The following ASPG variants were observed in gnomAD, a reference collection of about 807,000 sequenced individuals.
ASPG encodes 60 kDa lysophospholipase.
A neutral mutation model predicts 63.2 loss-of-function variants in ASPG; 53 were observed. The observed-to-expected ratio is 0.84, with a 90% CI of 0.67 to 1.05. The LOEUF (loss-of-function observed/expected upper bound fraction) is 1.05. ASPG is among the 50% of genes least tolerant of loss of function. ASPG has a pLI of 0.00. For missense variants in ASPG, 741 were observed against 794.4 expected (o/e 0.93, Z 0.81); for synonymous variants, 370 against 355.0 (o/e 1.04, Z -0.48).
rs528455974 is a variant in ASPG, at chr14:104,104,363, G to A, written c.813G>A (p.Gly271=). 5.9e-5 allele frequency: 95 copies of A among 1,612,642 alleles called. 1 individual carries two copies. The South Asian group carries it at 8.3e-4, about 14-fold the overall frequency. Reference sequence around the variant, plus strand: ...TGGTCATGGAGACCTTCGGTTCAGGGAACGGACCCACCAAGCCCGACCTGC... The same window carrying A: ...TGGTCATGGAGACCTTCGGTTCAGGAAACGGACCCACCAAGCCCGACCTGC... The part of the protein sequence containing the change: ...KGVVMETFGS[G]NGPTKPDLLQ... The change falls in exon 8 of 16, where the codon GGG becomes GGA. Residue 271 remains glycine, a synonymous_variant. Transcript: ENST00000551177.
chr14:104,111,075 T>C, intron 13 of ASPG: 1 of 985,406 alleles, frequency 1.0e-6, no homozygotes, highest in Non-Finnish European at 1.2e-6. Context: ...AAGAGCGGTG[T>C]GTTGTGTAAC....
intron 14 of ASPG, 131 bp downstream of exon 14, chr14:104,111,732 G>A: frequency 1.1e-6 from 1 of 890,800 alleles, no homozygotes; most frequent in East Asian, 2.6e-5. Context: ...CCCTCCCCAT[G>A]CAGGACCCGC....
chr14:104,106,873 G>T lies in ASPG; in HGVS notation c.1248G>T (p.Ala416=), dbSNP rs151283874. ...CTGCCCACGCCGGTGACGTGGAGGC[G>T]CTGCAGGCGCTTGTGGAGCTGGTGA... ...CAAAHAGDVE[A]LQALVELGSD... The change falls in exon 11 of 16, where the codon GCG becomes GCT. Residue 416 remains alanine, a synonymous_variant. Coordinates refer to ENST00000551177, the MANE Select transcript of ASPG (RefSeq NM_001080464.3). 13 of 1,585,990 alleles carry T rather than the reference G, an allele frequency of 8.2e-6. No individual in the cohort carries two copies. The highest frequency in any genetic ancestry group is 2.3e-5 in the East Asian group (1 of 43,586).
At chr14:104,111,061 C>G in intron 13 of ASPG, 1 of 985,438 alleles carries the variant, frequency 1.0e-6, no homozygotes, top group Non-Finnish European at 1.2e-6. Context: ...GACCCCGCCC[C>G]GGGAAGAGCG....
At chr14:104,102,433 C>T (rs1361250279) in intron 6 of ASPG, among the ~76,000 whole-genome samples, 1 of 152,150 alleles carries the variant, frequency 6.6e-6, no homozygotes, top group Non-Finnish European at 1.5e-5. Context: ...GTGCGGGGGT[C>T]CTCCTGCCCA....
Position 104,109,874 on chromosome 14 carries a change from C to T in ASPG, c.1520+559C>T, listed in dbSNP as rs963302236. On this transcript the variant is annotated intron_variant, in intron 13 of 15. Coordinates refer to ENST00000551177, the MANE Select transcript of ASPG (RefSeq NM_001080464.3). The surrounding 1 kb of genome is among the most constrained non-coding windows in gnomAD (Gnocchi z 4.8). ...AGTGTGCCTTCCGATCTCATGCTGC[C>T]GAGTGACCACCGAGGCAGGCTCAGG... 26 of 874,780 alleles carry T rather than the reference C, an allele frequency of 3.0e-5. No homozygotes were observed. Among genetic ancestry groups the T allele is most frequent in the African/African-American group, 2.0e-4 (11 of 54,964 alleles). The allele number at this position is 874,780 out of a possible 1,614,324, so 54.2% of individuals were successfully genotyped here. A position where few individuals can be genotyped will look rare whatever the true frequency, so the allele number is the denominator to read the frequency against.
At chr14:104,105,169 G>T in intron 9 of ASPG, 159 bp from the exon 10 acceptor site, 1 of 1,167,060 alleles carries the variant, frequency 8.6e-7, no homozygotes, top group Non-Finnish European at 1.2e-6. Context: ...GCCTTGGGAG[G>T]GGACCCAGCC....
In ASPG at chr14:104,105,270, GTCCTGGGC is replaced by G; in HGVS notation, c.1051-56_1051-49del. 1.9e-6 allele frequency: 3 copies of G among 1,612,152 alleles called. No homozygotes were observed. The South Asian group carries it at 3.3e-5, about 18-fold the overall frequency. ...CCCGGGTAGCCCGACCCTCCAGGCTGTCCTGGGCTGCCCATCCAGCCCTGGCAGAGCCA... is the reference window on the plus strand; with the variant it reads ...CCCGGGTAGCCCGACCCTCCAGGCTGTGCCCATCCAGCCCTGGCAGAGCCA... On this transcript the variant is annotated intron_variant, in intron 9 of 15. Coordinates refer to ENST00000551177, the MANE Select transcript of ASPG (RefSeq NM_001080464.3).
rs552991240 is a variant in ASPG at position 104,110,038 on chromosome 14, C to T, written c.1520+723C>T. On this transcript the variant is annotated intron_variant, in intron 13 of 15. Transcript: ENST00000551177. This position sits in a 1 kb window ranked among gnomAD's most constrained non-coding sequence, Gnocchi z 4.7. ...ACAGCCAGAATCGCTGCCCCCCACC[C>T]CATGCCTTGTGCCTGGTGACTTGGC... 160 of 985,306 alleles carry T rather than the reference C, an allele frequency of 1.6e-4. No homozygotes were observed. The highest frequency in any genetic ancestry group is 1.9e-4 in the Non-Finnish European group (156 of 829,938). The allele number at this position is 985,306 out of a possible 1,614,324, so 61.0% of individuals were successfully genotyped here. A position where few individuals can be genotyped will look rare whatever the true frequency, so the allele number is the denominator to read the frequency against.
chr14:104,093,237 C>T (rs1341720273), intron 2 of ASPG: 8 of 573,354 alleles, frequency 1.4e-5, no homozygotes, highest in African/African-American at 1.9e-5. Flanking sequence ...CAGCCCCCCT[C>T]TTCGAGCTGG....
Position 104,098,843 on chromosome 14 carries a change from G to A in ASPG, c.514-10G>A, listed in dbSNP as rs374670561. ...CCGCTGCTCTGAACTCTGTCGCTCC[G>A]TTCCCGCAGGTCTGCCTTTTCTTCC... is the stretch of plus-strand genomic sequence containing the variant. On this transcript the variant is annotated splice_polypyrimidine_tract_variant and intron_variant, in intron 5 of 15. Coordinates refer to ENST00000551177, the MANE Select transcript of ASPG (RefSeq NM_001080464.3). 63 of 1,612,412 alleles carry A rather than the reference G, an allele frequency of 3.9e-5. No individual in the cohort carries two copies. The highest frequency in any genetic ancestry group is 2.6e-4 in the South Asian group (24 of 91,032).
Position 104,109,358 on chromosome 14 carries a change from A to G in ASPG, c.1520+43A>G, listed in dbSNP as rs557093119. The G allele has an allele frequency of 6.4e-7, 1 of 1,560,976 alleles. No individual in the cohort carries two copies. The highest frequency in any genetic ancestry group is 1.3e-5 in the African/African-American group (1 of 74,214). On this transcript the variant is annotated intron_variant, in intron 13 of 15. Transcript: ENST00000551177. The surrounding 1 kb of genome is among the most constrained non-coding windows in gnomAD (Gnocchi z 4.8). ...ACCTGCTCTTCCAGGGATGTGGGGGACACAGCTTGGGGAAGCGAAGCCAGA... is the reference window on the plus strand; with the variant it reads ...ACCTGCTCTTCCAGGGATGTGGGGGGCACAGCTTGGGGAAGCGAAGCCAGA...
Position 104,105,348 on chromosome 14 carries a change from G to C in ASPG, c.1071G>C (p.Arg357=), listed in dbSNP as rs1314811399. The C allele has an allele frequency of 6.2e-7, 1 of 1,612,634 alleles. No individual in the cohort carries two copies. The highest frequency in any genetic ancestry group is 8.5e-7 in the Non-Finnish European group (1 of 1,179,768). Residue 357 remains arginine (R), a synonymous_variant, in exon 10 of 16, where the codon CGG becomes CGC. Transcript: ENST00000551177. ...ACCAGCTGCTGACCAAGGACCTTCG[G>C]GGGGAGATGACGCCACCCTCGGTGG... ...VRKELLTKDL[R]GEMTPPSVEE... is the part of the protein sequence containing the mutation.
chr14:104,087,267 G>A (rs2036246480), intron 1 of ASPG, among the ~76,000 whole-genome samples: 1 of 152,212 alleles, frequency 6.6e-6, no homozygotes, highest in Non-Finnish European at 1.5e-5. Context: ...TCACAGCTTG[G>A]CAAACGCCCC....
intron 5 of ASPG, 34 bp from the exon 6 acceptor site, chr14:104,098,819 C>T (rs751591312): frequency 2.5e-5 from 40 of 1,605,644 alleles, no homozygotes; most frequent in Middle Eastern, 3.3e-4. Context: ...ACAGGGTGGC[C>T]GCTGCTCTGA....
chr14:104,095,762 C>T lies in ASPG; in HGVS notation c.429+106C>T, dbSNP rs1434830989. On this transcript the variant is annotated intron_variant, in intron 4 of 15. Coordinates refer to ENST00000551177, the MANE Select transcript of ASPG (RefSeq NM_001080464.3). ...CGGGACCCCGGGCTTCCTGCTCAGC[C>T]CAGCAGCTCCTGAGGTGGCTGCTGC... 35 of 1,451,852 alleles carry T rather than the reference C, an allele frequency of 2.4e-5. No individual in the cohort carries two copies. In the East Asian group the frequency reaches 7.7e-4, roughly 32 times the overall value. The allele number at this position is 1,451,852 out of a possible 1,614,324, so 89.9% of individuals were successfully genotyped here. A position where few individuals can be genotyped will look rare whatever the true frequency, so the allele number is the denominator to read the frequency against.
chr14:104,112,126 GT>G, intron 15 of ASPG, 126 bp downstream of exon 15: 1 of 882,076 alleles, frequency 1.1e-6, no homozygotes, highest in Non-Finnish European at 1.7e-6. Context: ...GTCCCAGCCA[GT>G]TTAGGGTCTG....
At chr14:104,090,444 G>A (rs556087635) in intron 1 of ASPG, among the ~76,000 whole-genome samples, 5 of 152,380 alleles carry the variant, frequency 3.3e-5, no homozygotes, top group Admixed American at 3.3e-4. Flanking sequence ...TGTGCCGGGC[G>A]GCTGAACATC....
chr14:104,087,248 CAA>C (rs2036246119), intron 1 of ASPG, among the ~76,000 whole-genome samples: 2 of 152,210 alleles, frequency 1.3e-5, no homozygotes, highest in African/African-American at 2.4e-5. Flanking sequence ...GTGAATGGAA[CAA>C]AGTCATTCAC....
Sources: allele counts gnomAD v4.1 joint callset (sites outside exome capture counted in the v4.1 genomes callset), GRCh38; gene constraint gnomAD v4.1.1; non-coding constraint Gnocchi (gnomAD v3.1); transcripts MANE v1.5; gene names NCBI Gene and HGNC (gene_info 2026-07-23, HGNC 2026-07-21).